Variants in DPP10 observed in about 807,000 individuals in gnomAD.
DPP10 encodes the protein inactive dipeptidyl peptidase 10.
A neutral mutation model predicts 120.9 loss-of-function variants in DPP10; 33 were observed. The observed-to-expected ratio is 0.27, with a 90% CI of 0.21 to 0.37. The LOEUF is 0.37. DPP10 is among the 10% of genes least tolerant of loss of function. The probability of loss-of-function intolerance (pLI) is 1.00; values close to 1 mark genes in which losing one functional copy is unlikely to be tolerated. For synonymous variants in DPP10, 337 were observed against 326.1 expected, an observed-to-expected ratio of 1.03 and a Z score of -0.36; for missense variants, 816 against 942.8, an observed-to-expected ratio of 0.87 and a Z score of 1.76.
At chr2:115,121,734 G>A (rs2049833953) in intron 1 of DPP10, among the ~76,000 whole-genome samples, 1 of 152,180 alleles carries the variant, frequency 6.6e-6, no homozygotes, top group Admixed American at 6.5e-5. Flanking sequence ...AGAGCAGCCA[G>A]TAGTTAAGAC....
intron 3 of DPP10, among the ~76,000 whole-genome samples, chr2:115,445,391 G>A (rs1240299424): frequency 1.3e-5 from 2 of 152,140 alleles, no homozygotes; most frequent in African/African-American, 4.8e-5. Context: ...AGGAAGATAT[G>A]GAAAAATTTG....
chr2:115,090,889 G>A (rs1709194885), intron 1 of DPP10, among the ~76,000 whole-genome samples: 1 of 152,126 alleles, frequency 6.6e-6, no homozygotes, highest in African/African-American at 2.4e-5. Context: ...TCAGGAAGGG[G>A]TTTGGAATGT....
At chr2:115,113,117 G>A (rs566646539) in intron 1 of DPP10, among the ~76,000 whole-genome samples, 1 of 151,794 alleles carries the variant, frequency 6.6e-6, no homozygotes, top group South Asian at 2.1e-4. Flanking sequence ...TGTCAGTCTG[G>A]ACTAAATTTT....
Position 115,206,429 on chromosome 2 carries a change from C to T in DPP10, c.61-102810C>T, listed in dbSNP as rs190192384. Among the ~76,000 whole-genome samples the T allele has an allele frequency of 1.0e-3, 159 of 152,174 alleles. 1 individual carries two copies. The highest frequency in any genetic ancestry group is 3.4e-3 in the African/African-American group (141 of 41,538). On this transcript the variant is annotated intron_variant, in intron 1 of 25. Transcript: ENST00000410059. ...AGTCCAGGTACATGTGAGAAACTGC[C>T]GAGTAGGTTCCTTCCTCAAAACTCT...
At chr2:115,325,364 T>C (rs1434904320) in intron 2 of DPP10, among the ~76,000 whole-genome samples, 2 of 152,090 alleles carry the variant, frequency 1.3e-5, no homozygotes, top group African/African-American at 4.8e-5. Context: ...TAAATAATAA[T>C]ACAATAGAAT....
chr2:115,450,098 AT>A (rs2072979581), intron 3 of DPP10, among the ~76,000 whole-genome samples: 1 of 151,978 alleles, frequency 6.6e-6, no homozygotes, highest in Non-Finnish European at 1.5e-5. Flanking sequence ...CAATTAGCCC[AT>A]CATAAGTTGA....
At chr2:115,672,637 T>TTTCTTTCC (rs1321143968) in intron 5 of DPP10, among the ~76,000 whole-genome samples, 1 of 150,748 alleles carries the variant, frequency 6.6e-6, no homozygotes, top group African/African-American at 2.5e-5. Context: ...TCTTTCTTTC[T>TTTCTTTCC]TTCTTTCTCT....
chr2:114,964,823 TAGAC>T (rs1308240980), intron 1 of DPP10, among the ~76,000 whole-genome samples: 1 of 152,174 alleles, frequency 6.6e-6, no homozygotes, highest in African/African-American at 2.4e-5. Context: ...ACATTGAGAA[TAGAC>T]AGAAGAGAAC....
chr2:114,886,438 G>T (rs567410115), intron 1 of DPP10, among the ~76,000 whole-genome samples: 1 of 152,164 alleles, frequency 6.6e-6, no homozygotes, highest in South Asian at 2.1e-4. Context: ...TTATCGATAT[G>T]ATGATATTTT....
chr2:115,049,216 AAAT>A (rs1277837040), intron 1 of DPP10, among the ~76,000 whole-genome samples: 8 of 152,102 alleles, frequency 5.3e-5, no homozygotes, highest in Non-Finnish European at 1.0e-4. Context: ...ATTATGATAC[AAAT>A]AATAATAATG....
intron 1 of DPP10, among the ~76,000 whole-genome samples, chr2:114,664,682 C>T (rs946516428): frequency 1.3e-5 from 2 of 150,002 alleles, no homozygotes; most frequent in Non-Finnish European, 3.0e-5. Context: ...TTTTTTGCCA[C>T]GAGTAGCCAC....
chr2:115,758,431 A>G (rs1415009425), intron 11 of DPP10, among the ~76,000 whole-genome samples: 1 of 152,158 alleles, frequency 6.6e-6, no homozygotes, highest in Non-Finnish European at 1.5e-5. Flanking sequence ...ATACTACAAC[A>G]TTGCTAAAAG....
chr2:114,777,482 G>A (rs1430210124), intron 1 of DPP10, among the ~76,000 whole-genome samples: 1 of 150,778 alleles, frequency 6.6e-6, no homozygotes, highest in East Asian at 1.9e-4. Context: ...TGAAAAGTTG[G>A]CAACCTCCCT....
At chr2:114,793,023 TGTGTGTG>T in intron 1 of DPP10, among the ~76,000 whole-genome samples, 1 of 151,940 alleles carries the variant, frequency 6.6e-6, no homozygotes, top group Non-Finnish European at 1.5e-5. Context: ...TGTGTGTGTG[TGTGTGTG>T]TTTCTATTAA....
intron 5 of DPP10, among the ~76,000 whole-genome samples, chr2:115,646,106 G>A (rs80016753): frequency 0.017 from 2,553 of 150,924 alleles, 66 homozygotes; most frequent in African/African-American, 0.059. Flanking sequence ...ACGTGCGTGC[G>A]CGCACACACA....
At chr2:115,321,150 A>C (rs2062036557) in intron 2 of DPP10, among the ~76,000 whole-genome samples, 1 of 152,034 alleles carries the variant, frequency 6.6e-6, no homozygotes. Context: ...AAATACAAAA[A>C]ATTAGCTGGG....
chr2:114,891,871 C>T (rs946496160), intron 1 of DPP10, among the ~76,000 whole-genome samples: 8 of 152,260 alleles, frequency 5.3e-5, no homozygotes, highest in South Asian at 2.1e-4. Flanking sequence ...TAATAGCACA[C>T]GATATTTGAA....
rs544692383 is a variant in DPP10, at chr2:114,929,237, G to A, written c.61-380002G>A. Among the ~76,000 whole-genome samples the A allele has an allele frequency of 8.5e-5, 13 of 152,232 alleles. No individual in the cohort carries two copies. The South Asian group carries it at 1.0e-3, about 12-fold the overall frequency. On this transcript the variant is annotated intron_variant, in intron 1 of 25. Coordinates refer to ENST00000410059, the MANE Select transcript of DPP10 (RefSeq NM_020868.6). Reference sequence around the variant, plus strand: ...CAGAGCAAGATCACAAGGCCAGGGCGAAATTAGAATTACTGATGAGGTTCC... The same window carrying A: ...CAGAGCAAGATCACAAGGCCAGGGCAAAATTAGAATTACTGATGAGGTTCC...
At chr2:115,107,620 A>G (rs973414843) in intron 1 of DPP10, among the ~76,000 whole-genome samples, 5 of 152,016 alleles carry the variant, frequency 3.3e-5, no homozygotes, top group Non-Finnish European at 7.4e-5. Context: ...AGGTATAGGT[A>G]TAACAAAATC....
Sources: gnomAD v4.1 joint callset for allele counts (sites outside exome capture counted in the v4.1 genomes callset) on GRCh38, gnomAD v4.1.1 for gene constraint, MANE v1.5 for transcripts, NCBI Gene and HGNC (gene_info 2026-07-23, HGNC 2026-07-21) for gene names.